PRKCD: variants seen among roughly 807,000 people sequenced by gnomAD.
PRKCD encodes the protein protein kinase C delta type.
PRKCD carries 20 observed loss-of-function variants against 82.2 expected under a neutral mutation model. That is an observed-to-expected ratio of 0.24 (90% CI 0.17 to 0.35). The LOEUF (loss-of-function observed/expected upper bound fraction) is 0.35. Ranked by LOEUF, PRKCD falls within the 10% of genes least tolerant of loss-of-function variation. The pLI is 1.00. For synonymous variants in PRKCD, 317 were observed against 337.0 expected, an observed-to-expected ratio of 0.94 and a Z score of 0.65; for missense variants, 607 against 899.0, an observed-to-expected ratio of 0.68 and a Z score of 4.15.
In PRKCD at chr3:53,183,639, G is replaced by T. The variant is rs540102123; in HGVS notation, c.787+58G>T. Reference sequence around the variant, plus strand: ...GGGCACTCCCAGCTGGTGCTGCTGTGAATTCCAGCCACCTCACGCCACCCT... The same window carrying T: ...GGGCACTCCCAGCTGGTGCTGCTGTTAATTCCAGCCACCTCACGCCACCCT... On this transcript the variant is annotated intron_variant, in intron 9 of 18. Coordinates refer to ENST00000330452, the MANE Select transcript of PRKCD (RefSeq NM_006254.4). 4 of 1,599,282 alleles carry T rather than the reference G, an allele frequency of 2.5e-6. No homozygotes were observed. The Admixed American group carries it at 5.1e-5, about 20-fold the overall frequency.
chr3:53,166,622 C>T (rs1240043002), intron 2 of PRKCD, among the ~76,000 whole-genome samples: 1 of 152,232 alleles, frequency 6.6e-6, no homozygotes, highest in Non-Finnish European at 1.5e-5. Context: ...GGCATCCATG[C>T]ACTCAAATGC....
At chr3:53,165,771 T>G (rs1702812371) in intron 2 of PRKCD, among the ~76,000 whole-genome samples, 1 of 152,218 alleles carries the variant, frequency 6.6e-6, no homozygotes, top group Admixed American at 6.5e-5. Context: ...GTCCCTCTCT[T>G]CAGCTTCCAG....
At chr3:53,173,029 AC>A (rs1703092341) in intron 2 of PRKCD, among the ~76,000 whole-genome samples, 2 of 152,214 alleles carry the variant, frequency 1.3e-5, no homozygotes, top group Non-Finnish European at 2.9e-5. Context: ...GTCTCTGAAG[AC>A]CTATCTCTTG....
chr3:53,179,863 C>T (rs746567200), intron 4 of PRKCD, 87 bp downstream of exon 4: 144 of 1,481,534 alleles, frequency 9.7e-5, no homozygotes, highest in African/African-American at 5.7e-4. Context: ...TGCACACACG[C>T]GGGCTTGGTC....
chr3:53,189,037 T>C, intron 16 of PRKCD, 21 bp from the exon 17 acceptor site: 1 of 1,600,784 alleles, frequency 6.2e-7, no homozygotes, highest in Non-Finnish European at 8.5e-7. Flanking sequence ...CCTGCTGACC[T>C]GCTGCTCTCC....
intron 18 of PRKCD, among the ~76,000 whole-genome samples, chr3:53,190,493 G>A (rs1425578719): frequency 6.6e-6 from 1 of 152,168 alleles, no homozygotes; most frequent in African/African-American, 2.4e-5. Context: ...CTGTCAGCAG[G>A]AACCCAGGTG....
intron 1 of PRKCD, among the ~76,000 whole-genome samples, chr3:53,161,843 T>C (rs1702671308): frequency 7.6e-6 from 1 of 131,276 alleles, no homozygotes; most frequent in African/African-American, 3.0e-5. Flanking sequence ...CTCCGCGTGC[T>C]CCATCGCCCC....
chr3:53,184,991 G>T lies in PRKCD; in HGVS notation c.888+17G>T, dbSNP rs2107273761. The T allele has an allele frequency of 1.2e-6, 2 of 1,608,584 alleles. No individual in the cohort carries two copies. The highest frequency in any genetic ancestry group is 1.7e-6 in the Non-Finnish European group (2 of 1,175,086). ...GTCACCCAGGTGGGCAGGTGCCATG[G>T]GGACCCTGGACACAGGGCAGTGGGG... On this transcript the variant is annotated intron_variant, in intron 10 of 18. Transcript: ENST00000330452.
rs111858109 is a variant in PRKCD at position 53,176,150 on chromosome 3, C to T, written c.-19-2254C>T. 7.6e-3 allele frequency among the ~76,000 whole-genome samples: 1,163 copies of T among 152,288 alleles called. 18 individuals are homozygous for T. Among genetic ancestry groups the T allele is most frequent in the African/African-American group, 0.027 (1,106 of 41,572 alleles). ...CCACCAAGAGGTCAAGGGCAGCTGG[C>T]CTGGCACACAGGCCACCTGCTGGTG... On this transcript the variant is annotated intron_variant, in intron 2 of 18. Coordinates refer to ENST00000330452, the MANE Select transcript of PRKCD (RefSeq NM_006254.4).
In PRKCD at chr3:53,167,535, C is replaced by T. The variant is rs973118686; in HGVS notation, c.-20+2320C>T. On this transcript the variant is annotated intron_variant, in intron 2 of 18. Transcript: ENST00000330452. ...AACCTGGGCAAGTGGCTCTGCCGCT[C>T]AGTGCCTCAGTCTCCCCCTGACAGA... Among the ~76,000 whole-genome samples, 5 of 152,252 alleles carry T rather than the reference C, an allele frequency of 3.3e-5. No individual in the cohort carries two copies. The South Asian group carries it at 6.2e-4, about 19-fold the overall frequency.
At chr3:53,165,772 C>T (rs1553663761) in intron 2 of PRKCD, among the ~76,000 whole-genome samples, 1 of 152,252 alleles carries the variant, frequency 6.6e-6, no homozygotes. Flanking sequence ...TCCCTCTCTT[C>T]AGCTTCCAGA....
At chr3:53,166,668 T>A (rs1702842937) in intron 2 of PRKCD, among the ~76,000 whole-genome samples, 1 of 152,174 alleles carries the variant, frequency 6.6e-6, no homozygotes, top group South Asian at 2.1e-4. Flanking sequence ...CATTCTGGGG[T>A]CAGGAAGGGG....
chr3:53,186,500 G>T, intron 13 of PRKCD, 104 bp from the exon 14 acceptor site: 1 of 1,388,136 alleles, frequency 7.2e-7, no homozygotes, highest in Non-Finnish European at 1.0e-6. Context: ...ACCTCAGCCA[G>T]GGCCTGTCCC....
intron 17 of PRKCD, 30 bp downstream of exon 17, chr3:53,189,276 C>A: frequency 2.3e-6 from 3 of 1,307,258 alleles, no homozygotes; most frequent in Non-Finnish European, 3.1e-6. Context: ...CTGGGCTGGT[C>A]TGGGCTGGGC....
chr3:53,189,778 G>A, intron 17 of PRKCD, 95 bp from the exon 18 acceptor site: 2 of 1,562,296 alleles, frequency 1.3e-6, no homozygotes, highest in South Asian at 1.2e-5. Flanking sequence ...GCTGGGGCAA[G>A]CCTGGCTTTG....
intron 10 of PRKCD, 89 bp downstream of exon 10, chr3:53,185,063 G>A: frequency 8.3e-7 from 1 of 1,210,556 alleles, no homozygotes; most frequent in South Asian, 1.2e-5. Context: ...GCCACAGACA[G>A]CCAGGATATA....
intron 18 of PRKCD, among the ~76,000 whole-genome samples, chr3:53,190,576 G>A (rs915116052): frequency 6.6e-5 from 10 of 152,192 alleles, no homozygotes; most frequent in Non-Finnish European, 1.3e-4. Flanking sequence ...GGCATTCCAG[G>A]TGGAAGAGGG....
chr3:53,171,102 G>T (rs1415540894), intron 2 of PRKCD, among the ~76,000 whole-genome samples: 2 of 152,144 alleles, frequency 1.3e-5, no homozygotes, highest in Non-Finnish European at 2.9e-5. Flanking sequence ...GTGGTTATTC[G>T]TGGAGAGGCC....
At chr3:53,181,058 C>T (rs1358962004) in intron 4 of PRKCD, 149 bp from the exon 5 acceptor site, 4 of 783,394 alleles carry the variant, frequency 5.1e-6, no homozygotes, top group South Asian at 3.5e-5. Flanking sequence ...AGGCGGGGCC[C>T]TGCCCACACT....
Sources: allele counts gnomAD v4.1 joint callset (sites outside exome capture counted in the v4.1 genomes callset), GRCh38; gene constraint gnomAD v4.1.1; transcripts MANE v1.5; gene names NCBI Gene and HGNC (gene_info 2026-07-23, HGNC 2026-07-21).